PTPRD: variants seen among roughly 807,000 people sequenced by gnomAD.
The protein encoded by PTPRD is protein tyrosine phosphatase receptor type D.
In PTPRD, 34 loss-of-function variants were observed where a neutral mutation model predicts 214.5. That is an observed-to-expected ratio of 0.16 (90% CI 0.12 to 0.21). The LOEUF is 0.21. Ranked by LOEUF, PTPRD falls within the 10% of genes least tolerant of loss-of-function variation. The probability of loss-of-function intolerance (pLI) is 1.00; values close to 1 mark genes in which losing one functional copy is unlikely to be tolerated. For synonymous variants in PTPRD, 1,128 were observed against 845.7 expected, an observed-to-expected ratio of 1.33 and a Z score of -5.79; for missense variants, 2,545 against 2,398.7, an observed-to-expected ratio of 1.06 and a Z score of -1.27.
intron 11 of PTPRD, among the ~76,000 whole-genome samples, chr9:8,914,494 A>T (rs1038293145): frequency 1.3e-5 from 2 of 152,086 alleles, no homozygotes; most frequent in Non-Finnish European, 2.9e-5. Context: ...TTTAAAACTT[A>T]CTCTTTAAGC....
chr9:10,580,005 G>A (rs143540604), intron 2 of PTPRD, among the ~76,000 whole-genome samples: 3,371 of 152,076 alleles, frequency 0.022, 51 homozygotes, highest in South Asian at 0.062. Context: ...CTAGATATTA[G>A]TTTTCACTCA....
At chr9:9,961,315 G>A (rs938184249) in intron 4 of PTPRD, among the ~76,000 whole-genome samples, 2 of 152,138 alleles carry the variant, frequency 1.3e-5, no homozygotes, top group African/African-American at 4.8e-5. Flanking sequence ...ACATGCCTTT[G>A]TCATCTGTTC....
chr9:9,824,348 C>A (rs1298216085), intron 5 of PTPRD, among the ~76,000 whole-genome samples: 11 of 151,888 alleles, frequency 7.2e-5, no homozygotes, highest in South Asian at 6.2e-4. Context: ...TACATAATTT[C>A]TGAATAGAAT....
At position 9,189,513 on chromosome 9, in the gene PTPRD, G is replaced by A. The variant is rs74419927; in HGVS notation, c.-202-6150C>T. On this transcript the variant is annotated intron_variant, in intron 9 of 45. Coordinates refer to ENST00000381196, the MANE Select transcript of PTPRD (RefSeq NM_002839.4). ...CATCAGGGTTTATCTACTACAAAAC[G>A]TCCTCTCTGATCCCTTCTCTCCTTA... 4.6e-3 allele frequency among the ~76,000 whole-genome samples: 696 copies of A among 151,942 alleles called. 8 individuals carry two copies. Among genetic ancestry groups the A allele is most frequent in the African/African-American group, 0.015 (630 of 41,474 alleles).
chr9:9,779,078 C>CAAAAAAA lies in PTPRD; in HGVS notation c.-367-12234_-367-12228dup, dbSNP rs869120926. Among the ~76,000 whole-genome samples, 52 of 45,486 alleles carry CAAAAAAA rather than the reference C, an allele frequency of 1.1e-3. 4 individuals carry two copies. The highest frequency in any genetic ancestry group is 3.6e-3 in the African/African-American group (41 of 11,278). 29.8% of individuals were successfully genotyped at this position (45,486 alleles called of 152,430 possible). A position where few individuals can be genotyped will look rare whatever the true frequency, so the allele number is the denominator to read the frequency against. On this transcript the variant is annotated intron_variant, in intron 5 of 45. Transcript: ENST00000381196. ...GCCATGTGATCTTTCATAAGACTGA[C>CAAAAAAA]AAAAAAAAAAAAAAAAAAAAAAAAA...
At chr9:10,468,151 G>C (rs1162062611) in intron 2 of PTPRD, among the ~76,000 whole-genome samples, 1 of 152,158 alleles carries the variant, frequency 6.6e-6, no homozygotes, top group Non-Finnish European at 1.5e-5. Flanking sequence ...CTGTTACTGG[G>C]TATATACCCA....
chr9:10,164,157 A>T (rs1338203619), intron 3 of PTPRD, among the ~76,000 whole-genome samples: 2 of 151,464 alleles, frequency 1.3e-5, no homozygotes, highest in Non-Finnish European at 3.0e-5. Flanking sequence ...ATATTTAATA[A>T]CCTTGAGGGA....
chr9:9,967,923 T>C (rs967887072), intron 4 of PTPRD, among the ~76,000 whole-genome samples: 4 of 152,102 alleles, frequency 2.6e-5, no homozygotes, highest in African/African-American at 9.7e-5. Flanking sequence ...GATATTATGA[T>C]ACATAAACAT....
intron 3 of PTPRD, among the ~76,000 whole-genome samples, chr9:10,121,304 A>G (rs752634974): frequency 1.4e-4 from 21 of 151,142 alleles, no homozygotes; most frequent in African/African-American, 3.9e-4. Flanking sequence ...AATGATTCCA[A>G]AGTTTTTTAG....
At chr9:9,631,029 T>C (rs995515211) in intron 7 of PTPRD, among the ~76,000 whole-genome samples, 2 of 151,876 alleles carry the variant, frequency 1.3e-5, no homozygotes, top group African/African-American at 4.8e-5. Flanking sequence ...TATAAAGAGG[T>C]AGGCATGACT....
At chr9:9,371,007 G>A (rs1354819821) in intron 9 of PTPRD, among the ~76,000 whole-genome samples, 3 of 152,108 alleles carry the variant, frequency 2.0e-5, no homozygotes, top group Admixed American at 6.5e-5. Context: ...TGCTGGATTC[G>A]TTTTGCCAGA....
chr9:8,415,309 A>T (rs1224204231), intron 35 of PTPRD, among the ~76,000 whole-genome samples: 1 of 152,178 alleles, frequency 6.6e-6, no homozygotes, highest in African/African-American at 2.4e-5. Context: ...CCTCCTTCTA[A>T]GACAGCATTG....
chr9:10,551,137 C>T (rs2061266290), intron 2 of PTPRD, among the ~76,000 whole-genome samples: 1 of 152,078 alleles, frequency 6.6e-6, no homozygotes, highest in South Asian at 2.1e-4. Context: ...AGTCCAAGAC[C>T]AGCCTGGGCA....
At chr9:9,260,835 A>G (rs1276302887) in intron 9 of PTPRD, among the ~76,000 whole-genome samples, 2 of 151,912 alleles carry the variant, frequency 1.3e-5, no homozygotes, top group Non-Finnish European at 2.9e-5. Context: ...CAGAAATACA[A>G]GGCATGACAA....
At chr9:8,543,702 A>T (rs1488047728) in intron 14 of PTPRD, among the ~76,000 whole-genome samples, 1 of 152,160 alleles carries the variant, frequency 6.6e-6, no homozygotes. Flanking sequence ...AGTGGGAAAA[A>T]GACATTTTCT....
intron 3 of PTPRD, among the ~76,000 whole-genome samples, chr9:10,204,860 T>A (rs1469817636): frequency 2.0e-5 from 3 of 152,142 alleles, no homozygotes; most frequent in Non-Finnish European, 2.9e-5. Flanking sequence ...AACAAATACA[T>A]CCAGGTACAC....
In PTPRD at chr9:8,527,753, G is replaced by A. The variant is rs542890322; in HGVS notation, c.542-400C>T. On this transcript the variant is annotated intron_variant, in intron 15 of 45. Coordinates refer to ENST00000381196, the MANE Select transcript of PTPRD (RefSeq NM_002839.4). ...TTATCTCTACTTTTAATCTAAGAGA[G>A]CAAAGGCATAAACTTGGGATGGGAA... Among the ~76,000 whole-genome samples the A allele has an allele frequency of 7.9e-5, 12 of 152,206 alleles. No individual in the cohort carries two copies. In the South Asian group the frequency reaches 1.9e-3, roughly 24 times the overall value.
At chr9:10,331,273 A>C (rs2154434475) in intron 3 of PTPRD, among the ~76,000 whole-genome samples, 1 of 151,980 alleles carries the variant, frequency 6.6e-6, no homozygotes, top group South Asian at 2.1e-4. Flanking sequence ...CAGCAAAACC[A>C]TCTGGCCATG....
chr9:10,591,816 C>G (rs181380782), intron 2 of PTPRD, among the ~76,000 whole-genome samples: 3 of 152,200 alleles, frequency 2.0e-5, no homozygotes, highest in Non-Finnish European at 4.4e-5. Context: ...TATTTCACCT[C>G]TATTTCCTAC....
Sources: gnomAD v4.1 joint callset for allele counts (sites outside exome capture counted in the v4.1 genomes callset) on GRCh38, gnomAD v4.1.1 for gene constraint, MANE v1.5 for transcripts, NCBI Gene and HGNC (gene_info 2026-07-23, HGNC 2026-07-21) for gene names.